UMAD1: variants seen among roughly 807,000 people sequenced by gnomAD.
UMAD1 encodes the protein UBAP1-MVB12-associated (UMA) domain containing 1.
Under a neutral mutation model 6.1 loss-of-function variants are expected in UMAD1, and 8 were observed. The observed-to-expected ratio is 1.30, with a 90% CI of 0.76 to 2.35. The LOEUF is 2.35. UMAD1 is among the 30% of genes most tolerant of loss of function. The probability of loss-of-function intolerance (pLI) is 0.00; values close to 1 mark genes in which losing one functional copy is unlikely to be tolerated. For synonymous variants in UMAD1, 56 were observed against 31.4 expected, an observed-to-expected ratio of 1.78 and a Z score of -2.61; for missense variants, 130 against 78.4, an observed-to-expected ratio of 1.66 and a Z score of -2.49.
chr7:7,766,635 T>A (rs1393127892), intron 2 of UMAD1, among the ~76,000 whole-genome samples: 1 of 152,228 alleles, frequency 6.6e-6, no homozygotes, highest in Non-Finnish European at 1.5e-5. Context: ...ATTTTTTTCC[T>A]TCTTATATTG....
At chr7:7,646,034 T>A (rs1224763833) in intron 1 of UMAD1, among the ~76,000 whole-genome samples, 1 of 151,246 alleles carries the variant, frequency 6.6e-6, no homozygotes, top group Non-Finnish European at 1.5e-5. Flanking sequence ...GGTGCAGGAG[T>A]TGGGGTGAGT....
chr7:7,813,086 C>T (rs547384696), intron 3 of UMAD1, among the ~76,000 whole-genome samples: 109 of 152,268 alleles, frequency 7.2e-4, no homozygotes, highest in Middle Eastern at 6.8e-3. Context: ...ATGAACATGC[C>T]TACATGAGTG....
intron 3 of UMAD1, among the ~76,000 whole-genome samples, chr7:7,876,248 G>A (rs1784417227): frequency 6.6e-6 from 1 of 152,156 alleles, no homozygotes; most frequent in South Asian, 2.1e-4. Flanking sequence ...GTGTGCACGA[G>A]CAAGCACTTG....
chr7:7,700,553 C>T (rs963933379), intron 2 of UMAD1, among the ~76,000 whole-genome samples: 1 of 151,912 alleles, frequency 6.6e-6, no homozygotes, highest in African/African-American at 2.4e-5. Flanking sequence ...AGTGAGACCC[C>T]CATCTCTACA....
At chr7:7,816,604 C>G (rs1161858201) in intron 3 of UMAD1, among the ~76,000 whole-genome samples, 1 of 152,178 alleles carries the variant, frequency 6.6e-6, no homozygotes, top group East Asian at 1.9e-4. Context: ...CAGCAGTGAC[C>G]AATCTGAGTG....
At chr7:7,772,693 G>A (rs1336931901) in intron 2 of UMAD1, among the ~76,000 whole-genome samples, 1 of 152,224 alleles carries the variant, frequency 6.6e-6, no homozygotes, top group African/African-American at 2.4e-5. Flanking sequence ...GATGAATGGA[G>A]TAGAGGTGCC....
chr7:7,668,448 T>A (rs1779525850), intron 1 of UMAD1, among the ~76,000 whole-genome samples: 1 of 152,172 alleles, frequency 6.6e-6, no homozygotes, highest in Admixed American at 6.5e-5. Context: ...TATTACTATA[T>A]ATTGTTATAG....
At chr7:7,724,868 A>G (rs1781111829) in intron 2 of UMAD1, among the ~76,000 whole-genome samples, 1 of 152,216 alleles carries the variant, frequency 6.6e-6, no homozygotes, top group Admixed American at 6.5e-5. Flanking sequence ...TCAGGGGTAT[A>G]TCAACTCTCT....
intron 2 of UMAD1, among the ~76,000 whole-genome samples, chr7:7,780,093 C>T (rs1352552031): frequency 1.3e-5 from 2 of 152,220 alleles, no homozygotes; most frequent in Non-Finnish European, 2.9e-5. Flanking sequence ...TGTTCTTTTT[C>T]TGTATATTTC....
intron 1 of UMAD1, among the ~76,000 whole-genome samples, chr7:7,654,140 A>C (rs28992773): frequency 0.062 from 9,493 of 152,324 alleles, 396 homozygotes; most frequent in Middle Eastern, 0.13. Flanking sequence ...AGGGCATTCA[A>C]TTAAAAAGAA....
chr7:7,673,895 T>C (rs1047037315), intron 2 of UMAD1, among the ~76,000 whole-genome samples: 4 of 152,222 alleles, frequency 2.6e-5, no homozygotes, highest in Admixed American at 1.3e-4. Context: ...GTGTTTCCTG[T>C]TTAAGACTAT....
chr7:7,720,693 A>C (rs1212964188), intron 2 of UMAD1, among the ~76,000 whole-genome samples: 3 of 152,098 alleles, frequency 2.0e-5, no homozygotes, highest in Non-Finnish European at 4.4e-5. Flanking sequence ...TTTTTTGTGT[A>C]TTTTTATTTA....
At chr7:7,867,249 A>C (rs1269049141) in intron 3 of UMAD1, among the ~76,000 whole-genome samples, 3 of 152,254 alleles carry the variant, frequency 2.0e-5, no homozygotes, top group African/African-American at 7.2e-5. Flanking sequence ...CATATGGATC[A>C]GGAACTCTAG....
At chr7:7,873,584 G>A (rs1784366060) in intron 3 of UMAD1, among the ~76,000 whole-genome samples, 1 of 152,070 alleles carries the variant, frequency 6.6e-6, no homozygotes, top group South Asian at 2.1e-4. Flanking sequence ...ACAGTACTCT[G>A]GTGTTATTTT....
At chr7:7,647,948 C>T (rs139439281) in intron 1 of UMAD1, among the ~76,000 whole-genome samples, 24 of 152,234 alleles carry the variant, frequency 1.6e-4, no homozygotes, top group African/African-American at 5.5e-4. Flanking sequence ...CTATTATAGA[C>T]GTGCCAGCTG....
chr7:7,774,153 C>T (rs1026952248), intron 2 of UMAD1, among the ~76,000 whole-genome samples: 4 of 152,158 alleles, frequency 2.6e-5, no homozygotes, highest in African/African-American at 9.7e-5. Flanking sequence ...GCTTCTCAGG[C>T]TTAGATGCTA....
chr7:7,793,035 G>A (rs1484884053), intron 2 of UMAD1, among the ~76,000 whole-genome samples: 2 of 152,090 alleles, frequency 1.3e-5, no homozygotes, highest in Non-Finnish European at 2.9e-5. Context: ...TGCAGGGATC[G>A]GGGAGGACAC....
intron 2 of UMAD1, chr7:7,738,546 A>G (rs952895751): frequency 7.2e-5 from 11 of 152,258 alleles, no homozygotes; most frequent in African/African-American, 2.2e-4. Context: ...AATATAAATG[A>G]ACTTTATTTG....
intron 2 of UMAD1, among the ~76,000 whole-genome samples, chr7:7,783,221 A>G (rs191160566): frequency 4.2e-4 from 64 of 152,368 alleles, no homozygotes; most frequent in African/African-American, 1.4e-3. Flanking sequence ...AAACTAGGTC[A>G]GATCAATTAC....
Sources: allele counts gnomAD v4.1 joint callset (sites outside exome capture counted in the v4.1 genomes callset), GRCh38; gene constraint gnomAD v4.1.1; transcripts MANE v1.5; gene names NCBI Gene and HGNC (gene_info 2026-07-23, HGNC 2026-07-21).